DGCR2: variants seen among roughly 807,000 people sequenced by gnomAD.
The protein encoded by DGCR2 is DiGeorge syndrome critical region gene 2.
Under a neutral mutation model 51.6 loss-of-function variants are expected in DGCR2, and 24 were observed. The ratio of observed to expected loss-of-function variants is 0.47; its 90% confidence interval spans 0.34 to 0.65. DGCR2 has a LOEUF of 0.65. DGCR2 is among the 30% of genes least tolerant of loss of function. The pLI is 0.01. For missense variants in DGCR2, 765 were observed against 772.1 expected, an observed-to-expected ratio of 0.99 and a Z score of 0.11; for synonymous variants, 340 against 315.4, an observed-to-expected ratio of 1.08 and a Z score of -0.82.
intron 1 of DGCR2, among the ~76,000 whole-genome samples, chr22:19,114,650 C>G (rs528251507): frequency 3.2e-4 from 49 of 152,248 alleles, no homozygotes; most frequent in Non-Finnish European, 5.3e-4. Context: ...TGGCCCGGTC[C>G]TGTGGTCAGT....
chr22:19,106,279 T>C (rs770683359), intron 1 of DGCR2, among the ~76,000 whole-genome samples: 29 of 152,300 alleles, frequency 1.9e-4, no homozygotes, highest in Middle Eastern at 3.4e-3. Context: ...GTTTCACATA[T>C]GCCACCCTTA....
Position 19,039,040 on chromosome 22 carries a change from A to C in DGCR2, c.1478T>G (p.Leu493Arg), listed in dbSNP as rs1272318085. The change falls in exon 10 of 10, where the codon CTG (leucine) becomes CGG (arginine). Residue 493 changes from leucine (L) to arginine (R), a missense_variant. By Grantham distance (102) the Leu-to-Arg change is moderately radical. Coordinates refer to ENST00000263196, the MANE Select transcript of DGCR2 (RefSeq NM_005137.3). Reference protein sequence around the residue: ...GGSEGALLRRLEQPLPTAGAS... With the variant: ...GGSEGALLRRREQPLPTAGAS... ...CCCCGCAGTGGGCAGAGGCTGCTCC[A>C]GGCGCCGGAGTAATGCACCTTCACT... 6.2e-7 allele frequency: 1 copy of C among 1,612,976 alleles called. No individual in the cohort carries two copies. The highest frequency in any genetic ancestry group is 1.3e-5 in the African/African-American group (1 of 75,056).
chr22:19,080,616 G>T (rs1002836960), intron 2 of DGCR2, among the ~76,000 whole-genome samples: 1 of 152,168 alleles, frequency 6.6e-6, no homozygotes, highest in Non-Finnish European at 1.5e-5. Flanking sequence ...GGGCAGGATT[G>T]CTAGAGCCCC....
intron 7 of DGCR2, 37 bp downstream of exon 7, chr22:19,048,403 G>A (rs2082513223): frequency 6.2e-7 from 1 of 1,608,506 alleles, no homozygotes. Flanking sequence ...GCCCCAAATA[G>A]GGAGGCTGAC....
At chr22:19,047,590 G>A (rs762771055) in intron 7 of DGCR2, 3 of 152,254 alleles carry the variant, frequency 2.0e-5, no homozygotes, top group African/African-American at 2.4e-5. Context: ...CAGCTACACC[G>A]GTGTGCAGAA....
chr22:19,045,797 G>A (rs2082482898), intron 7 of DGCR2, among the ~76,000 whole-genome samples: 2 of 152,176 alleles, frequency 1.3e-5, no homozygotes, highest in Admixed American at 6.5e-5. Flanking sequence ...CGTGATCTCA[G>A]CTCACTGTAA....
At chr22:19,079,927 A>C (rs1054918697) in intron 2 of DGCR2, among the ~76,000 whole-genome samples, 1 of 152,248 alleles carries the variant, frequency 6.6e-6, no homozygotes, top group Non-Finnish European at 1.5e-5. Flanking sequence ...GTCTTTCATC[A>C]TAAGAGGAAG....
At chr22:19,065,153 C>T (rs1341049749) in intron 3 of DGCR2, 86 bp from the exon 4 acceptor site, 4 of 1,150,974 alleles carry the variant, frequency 3.5e-6, no homozygotes, top group Non-Finnish European at 5.0e-6. Context: ...GACAGGCACA[C>T]CTTGTAAATC....
intron 2 of DGCR2, among the ~76,000 whole-genome samples, chr22:19,071,850 T>G (rs1053102339): frequency 2.6e-5 from 4 of 152,112 alleles, no homozygotes; most frequent in Non-Finnish European, 5.9e-5. Flanking sequence ...TATTTAGGGG[T>G]AGAATATCAT....
chr22:19,041,713 C>T (rs2082433360), intron 8 of DGCR2, 94 bp downstream of exon 8: 20 of 1,423,858 alleles, frequency 1.4e-5, no homozygotes, highest in Non-Finnish European at 1.8e-5. Flanking sequence ...CCTGCCTCTG[C>T]CCCTCTCTGT....
chr22:19,048,719 A>G (rs17743444), intron 6 of DGCR2, 76 bp from the exon 7 acceptor site: 280,402 of 1,474,766 alleles, frequency 0.19, 27,882 homozygotes, highest in South Asian at 0.28. Context: ...CCACACTGCC[A>G]AAAAAGGTAG....
chr22:19,039,097 T>A lies in DGCR2; in HGVS notation c.1421A>T (p.Glu474Val). 1 of 1,613,006 alleles carries A rather than the reference T, an allele frequency of 6.2e-7. No individual in the cohort carries two copies. Among genetic ancestry groups the A allele is most frequent in the Non-Finnish European group, 8.5e-7 (1 of 1,179,924 alleles). ...PADDDAFEPV[E>V]VSLPAPGDGG... is the part of the protein sequence containing the mutation. ...ATCCCCAGGGGCTGGCAGGCTGACC[T>A]CCACAGGCTCAAAAGCATCATCGTC... Residue 474 changes from glutamate to valine, a missense_variant, in exon 10 of 10, where the codon GAG (glutamate) becomes GTG (valine). Glu to Val is a moderately radical substitution (Grantham distance 121, BLOSUM62 -2). Around this residue, in one of 3 missense-constraint regions of DGCR2, gnomAD observed 205 missense variants for 181.4 expected, o/e 1.13. Coordinates refer to ENST00000263196, the MANE Select transcript of DGCR2 (RefSeq NM_005137.3).
Position 19,041,298 on chromosome 22 carries a change from G to A in DGCR2, c.1160-4C>T. The A allele has an allele frequency of 1.2e-6, 2 of 1,613,396 alleles. No individual in the cohort carries two copies. The highest frequency in any genetic ancestry group is 1.7e-6 in the Non-Finnish European group (2 of 1,179,684). On this transcript the variant is annotated splice_region_variant and splice_polypyrimidine_tract_variant and intron_variant, in intron 8 of 9. Transcript: ENST00000263196. The stretch of plus-strand genomic sequence containing the variant: ...CGGCCGAGGTTGAAGTGGTGCACTG[G>A]GCCATCAAAAGTGTGCAACGGGAAC...
At chr22:19,095,138 G>C (rs1472126582) in intron 1 of DGCR2, among the ~76,000 whole-genome samples, 1 of 151,738 alleles carries the variant, frequency 6.6e-6, no homozygotes, top group Non-Finnish European at 1.5e-5. Context: ...TGAGGTGAAT[G>C]GATCACCTGA....
At chr22:19,081,965 A>AT (rs2082940833) in intron 2 of DGCR2, among the ~76,000 whole-genome samples, 1 of 152,152 alleles carries the variant, frequency 6.6e-6, no homozygotes, top group African/African-American at 2.4e-5. Flanking sequence ...ACTGAATTAG[A>AT]ATCCTTATCC....
chr22:19,109,056 T>C (rs550337141), intron 1 of DGCR2, among the ~76,000 whole-genome samples: 5 of 152,016 alleles, frequency 3.3e-5, no homozygotes, highest in African/African-American at 1.2e-4. Context: ...AAAACCTCCT[T>C]AATCATCAGG....
intron 7 of DGCR2, chr22:19,047,054 G>C (rs1357912747): frequency 6.4e-6 from 1 of 155,098 alleles, no homozygotes; most frequent in African/African-American, 2.4e-5. Flanking sequence ...CGGGCACAGG[G>C]AACTTGATAA....
At chr22:19,064,466 C>A (rs761984504) in intron 4 of DGCR2, among the ~76,000 whole-genome samples, 2 of 152,236 alleles carry the variant, frequency 1.3e-5, no homozygotes, top group African/African-American at 2.4e-5. Context: ...GGGGAACCCC[C>A]ACCTACACTG....
intron 1 of DGCR2, among the ~76,000 whole-genome samples, chr22:19,111,845 A>ATTTTTTT (rs796208922): frequency 7.7e-6 from 1 of 130,286 alleles, no homozygotes; most frequent in Non-Finnish European, 1.6e-5. Flanking sequence ...TTTTGTTTTT[A>ATTTTTTT]TTTTTTATTT....
Sources: allele counts gnomAD v4.1 joint callset (sites outside exome capture counted in the v4.1 genomes callset), GRCh38; gene constraint gnomAD v4.1.1; regional missense constraint gnomAD v4.1.1; transcripts MANE v1.5; gene names NCBI Gene and HGNC (gene_info 2026-07-23, HGNC 2026-07-21).